Variants in ANGPT1 observed in about 807,000 individuals in gnomAD.
The protein encoded by ANGPT1 is angiopoietin 1, also known as angiopoietin-1.
A neutral mutation model predicts 62.2 loss-of-function variants in ANGPT1; 17 were observed. That is an observed-to-expected ratio of 0.27 (90% CI 0.19 to 0.41). ANGPT1 has a LOEUF of 0.41. Ranked by LOEUF, ANGPT1 falls within the 10% of genes least tolerant of loss-of-function variation. The probability of loss-of-function intolerance (pLI) is 1.00; values close to 1 mark genes in which losing one functional copy is unlikely to be tolerated. For synonymous variants in ANGPT1, 199 were observed against 198.9 expected (o/e 1.00, Z 0.00); for missense variants, 478 against 594.9 (o/e 0.80, Z 2.04).
chr8:107,466,951 C>T (rs1812219378), intron 1 of ANGPT1, among the ~76,000 whole-genome samples: 1 of 151,930 alleles, frequency 6.6e-6, no homozygotes, highest in South Asian at 2.1e-4. Context: ...CAATCCCTTA[C>T]TCTCCTGCTC....
intron 4 of ANGPT1, among the ~76,000 whole-genome samples, chr8:107,311,957 G>A (rs554057157): frequency 5.6e-4 from 85 of 151,962 alleles, no homozygotes; most frequent in Non-Finnish European, 9.3e-4. Context: ...CCAGCTACTC[G>A]GGAGGCTGAG....
intron 1 of ANGPT1, among the ~76,000 whole-genome samples, chr8:107,429,935 T>C (rs902172878): frequency 2.5e-5 from 3 of 119,412 alleles, no homozygotes; most frequent in African/African-American, 8.0e-5. Context: ...GTTGGGTCAA[T>C]AAATGGGTAA....
At chr8:107,397,080 C>T (rs556065149) in intron 1 of ANGPT1, among the ~76,000 whole-genome samples, 109 of 152,174 alleles carry the variant, frequency 7.2e-4, no homozygotes, top group African/African-American at 2.5e-3. Flanking sequence ...TATTTAATGG[C>T]CCAATTGGTA....
chr8:107,349,164 A>AGATAGATAGATC (rs944017528), intron 1 of ANGPT1, among the ~76,000 whole-genome samples: 20 of 152,022 alleles, frequency 1.3e-4, no homozygotes, highest in East Asian at 7.7e-4. Flanking sequence ...ATAGATAGAT[A>AGATAGATAGATC]GATCTATGTA....
chr8:107,437,940 A>C (rs954093440), intron 1 of ANGPT1, among the ~76,000 whole-genome samples: 2 of 152,140 alleles, frequency 1.3e-5, no homozygotes, highest in Non-Finnish European at 2.9e-5. Context: ...TGTGTAGGGC[A>C]CTCTGGAGGA....
chr8:107,409,071 C>T (rs1817207047), intron 1 of ANGPT1, among the ~76,000 whole-genome samples: 1 of 152,116 alleles, frequency 6.6e-6, no homozygotes, highest in Admixed American at 6.6e-5. Flanking sequence ...AAGCTTATTT[C>T]TATTATTATG....
At chr8:107,439,798 A>G (rs1055566287) in intron 1 of ANGPT1, among the ~76,000 whole-genome samples, 2 of 152,132 alleles carry the variant, frequency 1.3e-5, no homozygotes, top group African/African-American at 4.8e-5. Flanking sequence ...GAAACAATAC[A>G]AGCAGGCAGG....
chr8:107,434,122 C>T (rs1323729589), intron 1 of ANGPT1, among the ~76,000 whole-genome samples: 2 of 152,144 alleles, frequency 1.3e-5, no homozygotes, highest in African/African-American at 4.8e-5. Context: ...TCAATAGAAG[C>T]ATTGAACTGT....
At chr8:107,270,169 A>C (rs1813705564) in intron 7 of ANGPT1, among the ~76,000 whole-genome samples, 1 of 152,030 alleles carries the variant, frequency 6.6e-6, no homozygotes, top group Non-Finnish European at 1.5e-5. Context: ...TCTACTTAAG[A>C]GACTCACTCT....
intron 4 of ANGPT1, among the ~76,000 whole-genome samples, chr8:107,320,936 T>G (rs1361067559): frequency 1.3e-5 from 2 of 152,126 alleles, no homozygotes; most frequent in African/African-American, 2.4e-5. Flanking sequence ...ACTGAACCAC[T>G]TCATGAATGG....
intron 1 of ANGPT1, among the ~76,000 whole-genome samples, chr8:107,400,628 C>T (rs561434004): frequency 4.0e-5 from 6 of 150,756 alleles, no homozygotes; most frequent in East Asian, 2.0e-4. Flanking sequence ...GTCGTGATCT[C>T]GGCACACTGC....
chr8:107,432,429 C>T (rs1811213045), intron 1 of ANGPT1, among the ~76,000 whole-genome samples: 1 of 152,110 alleles, frequency 6.6e-6, no homozygotes, highest in Admixed American at 6.5e-5. Flanking sequence ...CTTTGGGAGG[C>T]CAAGGCAGGC....
intron 1 of ANGPT1, among the ~76,000 whole-genome samples, chr8:107,376,654 G>T (rs1241990733): frequency 1.3e-5 from 2 of 152,076 alleles, no homozygotes; most frequent in Non-Finnish European, 2.9e-5. Context: ...ATACGGTAAG[G>T]CCTAGCCAAA....
At chr8:107,303,091 G>T in intron 5 of ANGPT1, 149 bp downstream of exon 5, 1 of 862,104 alleles carries the variant, frequency 1.2e-6, no homozygotes, top group Non-Finnish European at 1.8e-6. Flanking sequence ...ATCCTTTATG[G>T]ACCTGGGAAA....
At position 107,269,889 on chromosome 8, in the gene ANGPT1, A is replaced by G. The variant is rs144515084; in HGVS notation, c.1206-5538T>C. 2.5e-3 allele frequency among the ~76,000 whole-genome samples: 388 copies of G among 152,178 alleles called. 2 individuals are homozygous for G. Among genetic ancestry groups the G allele is most frequent in the African/African-American group, 9.0e-3 (373 of 41,546 alleles). ...CAGCATTTTTATTTTTTCAATTAGCATATCATGGGAAAACTGATGTCCATT... is the reference window on the plus strand; with the variant it reads ...CAGCATTTTTATTTTTTCAATTAGCGTATCATGGGAAAACTGATGTCCATT... On this transcript the variant is annotated intron_variant, in intron 7 of 8. Coordinates refer to ENST00000517746, the MANE Select transcript of ANGPT1 (RefSeq NM_001146.5).
intron 1 of ANGPT1, among the ~76,000 whole-genome samples, chr8:107,433,458 T>C (rs1811249572): frequency 6.6e-6 from 1 of 152,182 alleles, no homozygotes; most frequent in Non-Finnish European, 1.5e-5. Context: ...ATCAGGTTAT[T>C]AATAAAGAGA....
chr8:107,413,650 T>C (rs1810651870), intron 1 of ANGPT1, among the ~76,000 whole-genome samples: 1 of 150,266 alleles, frequency 6.7e-6, no homozygotes, highest in African/African-American at 2.4e-5. Flanking sequence ...AATGTTGAAA[T>C]ATTAAATTAA....
chr8:107,409,662 T>C (rs997680646), intron 1 of ANGPT1, among the ~76,000 whole-genome samples: 23 of 152,206 alleles, frequency 1.5e-4, no homozygotes, highest in African/African-American at 5.1e-4. Context: ...GATTATAATA[T>C]TTTTTCCTGA....
At chr8:107,439,388 T>C (rs1405670497) in intron 1 of ANGPT1, among the ~76,000 whole-genome samples, 1 of 152,238 alleles carries the variant, frequency 6.6e-6, no homozygotes, top group Non-Finnish European at 1.5e-5. Flanking sequence ...ATCATGACCT[T>C]ATGTCAGTGC....
Sources: allele counts gnomAD v4.1 joint callset (sites outside exome capture counted in the v4.1 genomes callset), GRCh38; gene constraint gnomAD v4.1.1; transcripts MANE v1.5; gene names NCBI Gene and HGNC (gene_info 2026-07-23, HGNC 2026-07-21).